LINGO1: variants seen among roughly 807,000 people sequenced by gnomAD.
LINGO1 encodes the protein leucine-rich repeat and immunoglobulin-like domain-containing nogo receptor-interacting protein 1.
A neutral mutation model predicts 37.3 loss-of-function variants in LINGO1; 11 were observed. The ratio of observed to expected loss-of-function variants is 0.29; its 90% CI spans 0.19 to 0.49. The LOEUF is 0.49. Ranked by LOEUF, LINGO1 falls within the 20% of genes least tolerant of loss-of-function variation. The pLI is 0.99. For missense variants in LINGO1, 585 were observed against 878.2 expected, an observed-to-expected ratio of 0.67 and a Z score of 4.22; for synonymous variants, 387 against 403.0, an observed-to-expected ratio of 0.96 and a Z score of 0.48.
intron 2 of LINGO1, among the ~76,000 whole-genome samples, chr15:77,734,758 A>C (rs900726214): frequency 1.3e-5 from 2 of 152,076 alleles, no homozygotes; most frequent in African/African-American, 2.4e-5. Flanking sequence ...CTGACCCATC[A>C]GACCAGGGAG....
intron 1 of LINGO1, among the ~76,000 whole-genome samples, chr15:77,625,108 C>T (rs1353003343): frequency 2.6e-5 from 4 of 152,176 alleles, no homozygotes; most frequent in African/African-American, 9.7e-5. Flanking sequence ...ACAGCTCAGG[C>T]CTGGAAACCA....
intron 3 of LINGO1, among the ~76,000 whole-genome samples, chr15:77,676,048 C>G (rs1438008913): frequency 6.6e-6 from 1 of 152,260 alleles, no homozygotes; most frequent in Non-Finnish European, 1.5e-5. Context: ...GCTCCGCTGT[C>G]AGAGAGCCAG....
intron 2 of LINGO1, among the ~76,000 whole-genome samples, chr15:77,684,789 T>C (rs1286383481): frequency 6.6e-6 from 1 of 152,128 alleles, no homozygotes; most frequent in Non-Finnish European, 1.5e-5. Context: ...CCCATGCACC[T>C]ACTGTGTGCC....
chr15:77,730,726 G>C (rs990127742), intron 2 of LINGO1, among the ~76,000 whole-genome samples: 22 of 152,242 alleles, frequency 1.4e-4, no homozygotes, highest in African/African-American at 5.1e-4. Context: ...CATCAGAGTG[G>C]CATGGGGCCC....
intron 2 of LINGO1, among the ~76,000 whole-genome samples, chr15:77,685,711 G>T (rs2075497904): frequency 6.8e-6 from 1 of 146,796 alleles, no homozygotes; most frequent in African/African-American, 2.6e-5. Context: ...AAAAACGCCA[G>T]GAATGGTGGT....
At chr15:77,734,429 C>A (rs950354069) in intron 2 of LINGO1, among the ~76,000 whole-genome samples, 1 of 152,034 alleles carries the variant, frequency 6.6e-6, no homozygotes, top group African/African-American at 2.4e-5. Context: ...AAGTTGGGGG[C>A]TACTGGGGTC....
chr15:77,791,050 C>T (rs2076814962), upstream of LINGO1, among the ~76,000 whole-genome samples: 4 of 152,188 alleles, frequency 2.6e-5, no homozygotes, highest in South Asian at 8.3e-4. Context: ...AACCCTGGAT[C>T]AGGAGGTCTG....
intron 1 of LINGO1, among the ~76,000 whole-genome samples, chr15:77,754,459 A>G (rs2076401316): frequency 6.6e-6 from 1 of 152,202 alleles, no homozygotes; most frequent in Admixed American, 6.5e-5. Flanking sequence ...GATAATAACA[A>G]TCACTCTGAT....
chr15:77,757,531 G>C (rs574089587), intron 1 of LINGO1, among the ~76,000 whole-genome samples: 1 of 152,362 alleles, frequency 6.6e-6, no homozygotes, highest in African/African-American at 2.4e-5. Flanking sequence ...TGAAGACCAA[G>C]TCAAGGTGTC....
chr15:77,749,491 C>CA (rs2076349871), intron 1 of LINGO1, among the ~76,000 whole-genome samples: 1 of 152,254 alleles, frequency 6.6e-6, no homozygotes, highest in Admixed American at 6.5e-5. Context: ...AAAAGAGACT[C>CA]AGCAGGGGCT....
At chr15:77,744,007 T>TC (rs2076289920) in intron 1 of LINGO1, among the ~76,000 whole-genome samples, 2 of 152,188 alleles carry the variant, frequency 1.3e-5, no homozygotes, top group Non-Finnish European at 2.9e-5. Flanking sequence ...CCCCAGTGGA[T>TC]ACAGAAGTGA....
upstream of LINGO1, among the ~76,000 whole-genome samples, chr15:77,635,707 T>C (rs956066520): frequency 6.6e-6 from 1 of 152,250 alleles, no homozygotes; most frequent in Non-Finnish European, 1.5e-5. Context: ...GACCCATCTC[T>C]TCTATTCCTG....
chr15:77,627,546 G>A (rs894492623), intron 1 of LINGO1, among the ~76,000 whole-genome samples: 23 of 152,130 alleles, frequency 1.5e-4, no homozygotes, highest in African/African-American at 5.1e-4. Flanking sequence ...TGTTCCATCC[G>A]GGGTTCATTC....
chr15:77,803,474 GA>G lies in LINGO1; in HGVS notation c.-457-7422del, dbSNP rs796631235. On this transcript the variant is annotated intron_variant, in intron 1 of 5. Coordinates refer to the LINGO1 transcript ENST00000562933. ...CAAACAGACAAACAAAAAATCTGAAGAAAAAAAAAAAAGATGTTTATAGAAT... is the reference window on the plus strand; with the variant it reads ...CAAACAGACAAACAAAAAATCTGAAGAAAAAAAAAAAGATGTTTATAGAAT... Among the ~76,000 whole-genome samples, 943 of 140,408 alleles carry G rather than the reference GA, an allele frequency of 6.7e-3. 15 individuals carry two copies. Among genetic ancestry groups the G allele is most frequent in the African/African-American group, 0.021 (787 of 38,376 alleles). The allele number at this position is 140,408 out of a possible 152,430, so 92.1% of individuals were successfully genotyped here. A position where few individuals can be genotyped will look rare whatever the true frequency, so the allele number is the denominator to read the frequency against.
At chr15:77,635,249 A>G (rs980106351), upstream of LINGO1, among the ~76,000 whole-genome samples, 1 of 152,178 alleles carries the variant, frequency 6.6e-6, no homozygotes, top group African/African-American at 2.4e-5. Flanking sequence ...TCCAAAAGAC[A>G]TGACCCCTCC....
intron 1 of LINGO1, among the ~76,000 whole-genome samples, chr15:77,627,209 G>A (rs1045978135): frequency 1.3e-5 from 2 of 152,106 alleles, no homozygotes; most frequent in Admixed American, 6.5e-5. Context: ...AATCAATTTG[G>A]GTGTCACATG....
chr15:77,782,259 A>G (rs1362021885), intron 1 of LINGO1, among the ~76,000 whole-genome samples: 2 of 151,548 alleles, frequency 1.3e-5, no homozygotes, highest in East Asian at 3.9e-4. Context: ...GCCCGCATAC[A>G]CATGTGCGTC....
At chr15:77,674,461 A>C (rs2075298209) in intron 3 of LINGO1, among the ~76,000 whole-genome samples, 2 of 152,154 alleles carry the variant, frequency 1.3e-5, no homozygotes. Context: ...CAAGTCCTCC[A>C]GGCGGCCTGC....
At chr15:77,671,015 C>T (rs1055151972) in intron 3 of LINGO1, among the ~76,000 whole-genome samples, 1 of 152,216 alleles carries the variant, frequency 6.6e-6, no homozygotes, top group Non-Finnish European at 1.5e-5. Flanking sequence ...TCTCAGGCTT[C>T]CCAGGCACCA....
Sources: allele counts gnomAD v4.1 joint callset (sites outside exome capture counted in the v4.1 genomes callset), GRCh38; gene constraint gnomAD v4.1.1; transcripts MANE v1.5; gene names NCBI Gene and HGNC (gene_info 2026-07-23, HGNC 2026-07-21).